RGS5: variants seen among roughly 807,000 people sequenced by gnomAD.
RGS5 encodes regulator of G-protein signalling 5.
A neutral mutation model predicts 18.9 loss-of-function variants in RGS5; 20 were observed. The ratio of observed to expected loss-of-function variants is 1.06; its 90% CI spans 0.74 to 1.54. The LOEUF (loss-of-function observed/expected upper bound fraction) is 1.54, where lower values mean the gene tolerates loss of function less well. RGS5 is among the 40% of genes most tolerant of loss of function. The pLI, the probability that RGS5 is intolerant of heterozygous loss-of-function variation, is 0.00. For synonymous variants in RGS5, 57 were observed against 76.2 expected (o/e 0.75, Z 1.31); for missense variants, 201 against 211.8 (o/e 0.95, Z 0.32).
chr1:163,280,776 A>G (rs1456673006), intron 2 of RGS5, among the ~76,000 whole-genome samples: 7 of 152,198 alleles, frequency 4.6e-5, no homozygotes, highest in African/African-American at 1.4e-4. Flanking sequence ...AAATCCTAAA[A>G]TTTGTATAGA....
At chr1:163,234,217 A>C (rs1387320539) in intron 2 of RGS5, among the ~76,000 whole-genome samples, 2 of 152,220 alleles carry the variant, frequency 1.3e-5, no homozygotes, top group African/African-American at 4.8e-5. Context: ...GTTCTTTACC[A>C]GATAAAATTC....
At chr1:163,307,202 T>C (rs981006245) in intron 1 of RGS5, among the ~76,000 whole-genome samples, 1 of 152,180 alleles carries the variant, frequency 6.6e-6, no homozygotes, top group Non-Finnish European at 1.5e-5. Context: ...CTAGCTGCTA[T>C]CTCTCTCTAC....
intron 2 of RGS5, among the ~76,000 whole-genome samples, chr1:163,252,367 C>T (rs994299621): frequency 6.6e-6 from 1 of 152,096 alleles, no homozygotes; most frequent in African/African-American, 2.4e-5. Flanking sequence ...AAGATTTTCT[C>T]CATCTGATCT....
At chr1:163,156,983 T>C (rs2102388139) in intron 3 of RGS5, among the ~76,000 whole-genome samples, 1 of 152,184 alleles carries the variant, frequency 6.6e-6, no homozygotes, top group Middle Eastern at 3.4e-3. Flanking sequence ...AGGAAGATGA[T>C]GACAAAAATG....
At chr1:163,174,997 G>A (rs1658485067) in intron 1 of RGS5, among the ~76,000 whole-genome samples, 1 of 152,182 alleles carries the variant, frequency 6.6e-6, no homozygotes, top group Non-Finnish European at 1.5e-5. Flanking sequence ...GCCCCCTGCT[G>A]GCTGTGGGAA....
intron 3 of RGS5, among the ~76,000 whole-genome samples, chr1:163,155,228 G>A (rs1483263912): frequency 6.6e-6 from 1 of 152,044 alleles, no homozygotes; most frequent in East Asian, 1.9e-4. Context: ...GGAAAGCATA[G>A]GGACAAAATC....
intron 2 of RGS5, among the ~76,000 whole-genome samples, chr1:163,281,561 A>G (rs1055497954): frequency 3.3e-5 from 5 of 152,178 alleles, no homozygotes; most frequent in African/African-American, 1.2e-4. Context: ...GCACTAAGCC[A>G]TTCATGAGGG....
At chr1:163,218,701 A>T (rs576317688), upstream of RGS5, among the ~76,000 whole-genome samples, 5 of 152,278 alleles carry the variant, frequency 3.3e-5, no homozygotes, top group South Asian at 4.1e-4. Flanking sequence ...CTGTGGCATA[A>T]AAAAGGTTAG....
chr1:163,303,586 T>G (rs1006988168), intron 2 of RGS5, among the ~76,000 whole-genome samples: 4 of 152,172 alleles, frequency 2.6e-5, no homozygotes, highest in Non-Finnish European at 4.4e-5. Flanking sequence ...TAAACTGTAC[T>G]TCTGTATTTG....
intron 1 of RGS5, among the ~76,000 whole-genome samples, chr1:163,216,565 G>A (rs967703454): frequency 3.9e-5 from 6 of 152,132 alleles, no homozygotes; most frequent in South Asian, 2.1e-4. Flanking sequence ...TAGATAGCAC[G>A]GTGGAGATTT....
At chr1:163,148,700 A>G (rs1403253967) in intron 4 of RGS5, among the ~76,000 whole-genome samples, 1 of 152,198 alleles carries the variant, frequency 6.6e-6, no homozygotes, top group Non-Finnish European at 1.5e-5. Context: ...CAGGGCCACT[A>G]CATTGCAACC....
At chr1:163,292,273 G>C (rs964539434) in intron 2 of RGS5, among the ~76,000 whole-genome samples, 1 of 152,124 alleles carries the variant, frequency 6.6e-6, no homozygotes, top group Non-Finnish European at 1.5e-5. Context: ...TGTGGTATTT[G>C]GTTTTCTGTT....
At chr1:163,173,233 C>T (rs371222571) in intron 1 of RGS5, among the ~76,000 whole-genome samples, 3 of 152,106 alleles carry the variant, frequency 2.0e-5, no homozygotes, top group African/African-American at 7.2e-5. Context: ...ATCTCTCTTC[C>T]TCCTCTTGTT....
At chr1:163,320,446 T>C (rs1034169018) in intron 1 of RGS5, among the ~76,000 whole-genome samples, 3 of 152,154 alleles carry the variant, frequency 2.0e-5, no homozygotes, top group Non-Finnish European at 2.9e-5. Flanking sequence ...CTCGCCTAAG[T>C]CCACCTAGGT....
intron 1 of RGS5, among the ~76,000 whole-genome samples, chr1:163,316,474 T>C (rs1222482756): frequency 6.6e-6 from 1 of 152,068 alleles, no homozygotes; most frequent in African/African-American, 2.4e-5. Context: ...AATACAACCA[T>C]AGAATTTGTA....
chr1:163,212,387 G>A (rs953693631), intron 1 of RGS5: 4 of 152,084 alleles, frequency 2.6e-5, no homozygotes, highest in African/African-American at 9.7e-5. Flanking sequence ...AAATAAATAG[G>A]AATACCCACA....
chr1:163,264,999 G>A (rs1017332498), intron 2 of RGS5, among the ~76,000 whole-genome samples: 5 of 152,086 alleles, frequency 3.3e-5, no homozygotes, highest in Non-Finnish European at 5.9e-5. Flanking sequence ...GGAATGCTGA[G>A]CATTGCAAAA....
intron 2 of RGS5, among the ~76,000 whole-genome samples, chr1:163,258,414 A>G (rs2814371): frequency 0.9 from 137,164 of 151,912 alleles, 62,599 homozygotes; most frequent in Non-Finnish European, 0.97. Flanking sequence ...TTTGTACAAT[A>G]ACTCATTCAG....
At chr1:163,171,565 A>C (rs116345251) in intron 1 of RGS5, among the ~76,000 whole-genome samples, 1,947 of 152,046 alleles carry the variant, frequency 0.013, 21 homozygotes, top group Non-Finnish European at 0.02. Flanking sequence ...CCCCCTCTCA[A>C]ATTTAGTTCC....
Sources: gnomAD v4.1 joint callset for allele counts (sites outside exome capture counted in the v4.1 genomes callset) on GRCh38, gnomAD v4.1.1 for gene constraint, MANE v1.5 for transcripts, NCBI Gene and HGNC (gene_info 2026-07-23, HGNC 2026-07-21) for gene names.